UBE2V2: variants seen among roughly 807,000 people sequenced by gnomAD.
UBE2V2 encodes the protein ubiquitin conjugating enzyme E2 V2.
A neutral mutation model predicts 17.2 loss-of-function variants in UBE2V2; 9 were observed. That is an observed-to-expected ratio of 0.52 (90% CI 0.32 to 0.91). The LOEUF (loss-of-function observed/expected upper bound fraction) is 0.91, where lower values mean the gene tolerates loss of function less well. Among genes scored for constraint, UBE2V2 ranks in the 40% least tolerant of loss-of-function variants. The probability of loss-of-function intolerance (pLI) is 0.04; values close to 1 mark genes in which losing one functional copy is unlikely to be tolerated. For synonymous variants in UBE2V2, 61 were observed against 57.5 expected (o/e 1.06, Z -0.28); for missense variants, 133 against 182.6 (o/e 0.73, Z 1.56).
chr8:48,005,139 A>G (rs968927140), upstream of UBE2V2, among the ~76,000 whole-genome samples: 2 of 150,808 alleles, frequency 1.3e-5, no homozygotes, highest in Admixed American at 6.6e-5. Context: ...CATCTACATT[A>G]CGTATTTCTC....
At chr8:48,001,275 C>A in the UBE2V2 span, among the ~76,000 whole-genome samples, 1 of 152,098 alleles carries the variant, frequency 6.6e-6, no homozygotes, top group Non-Finnish European at 1.5e-5. Flanking sequence ...AAGGCTGTTA[C>A]CCACATTTTC....
intron 1 of UBE2V2, among the ~76,000 whole-genome samples, chr8:48,020,003 A>T (rs1229310048): frequency 6.6e-6 from 1 of 151,848 alleles, no homozygotes; most frequent in East Asian, 1.9e-4. Context: ...ATTTTATCTG[A>T]TATAAGTGAA....
intron 1 of UBE2V2, among the ~76,000 whole-genome samples, chr8:48,015,895 GTTTTTTTT>G (rs1168641766): frequency 1.5e-5 from 2 of 132,216 alleles, no homozygotes; most frequent in African/African-American, 5.7e-5. Context: ...TGTCTGTGTG[GTTTTTTTT>G]TTTTTTTTTT....
chr8:48,026,894 G>GC (rs1165902195), intron 1 of UBE2V2, among the ~76,000 whole-genome samples: 1 of 152,092 alleles, frequency 6.6e-6, no homozygotes, highest in African/African-American at 2.4e-5. Context: ...TTCCACCCCC[G>GC]CCCCGCTTGA....
upstream of UBE2V2, among the ~76,000 whole-genome samples, chr8:48,007,275 GA>G (rs2154506467): frequency 6.6e-6 from 1 of 152,262 alleles, no homozygotes; most frequent in East Asian, 1.9e-4. Flanking sequence ...TCAGGCAAGA[GA>G]AAGAAATAAA....
chr8:48,049,512 A>C (rs1243616350), intron 2 of UBE2V2: 1 of 188,330 alleles, frequency 5.3e-6, no homozygotes. Context: ...ATCTAAATTT[A>C]AGTGGTTTGC....
At chr8:48,038,878 A>G (rs1026172971) in intron 1 of UBE2V2, among the ~76,000 whole-genome samples, 4 of 151,224 alleles carry the variant, frequency 2.6e-5, no homozygotes, top group Non-Finnish European at 5.9e-5. Flanking sequence ...CAGTCTCCCA[A>G]AGTGTTGGGA....
At chr8:48,007,617 G>A (rs919916537), upstream of UBE2V2, among the ~76,000 whole-genome samples, 4 of 128,486 alleles carry the variant, frequency 3.1e-5, no homozygotes, top group African/African-American at 1.2e-4. Flanking sequence ...GTATCACTAT[G>A]TTGTCCAAGC....
At chr8:48,017,483 C>T (rs528878247) in intron 1 of UBE2V2, among the ~76,000 whole-genome samples, 2 of 151,870 alleles carry the variant, frequency 1.3e-5, no homozygotes, top group South Asian at 4.2e-4. Context: ...AAGGGATTCT[C>T]CTGCTTCAGC....
At chr8:48,018,836 G>A (rs1034853286) in intron 1 of UBE2V2, among the ~76,000 whole-genome samples, 4 of 151,942 alleles carry the variant, frequency 2.6e-5, no homozygotes, top group Admixed American at 2.0e-4. Flanking sequence ...TTTGATGTTG[G>A]GTGCATATAT....
At chr8:48,009,962 T>TGTGC (rs1294227728) in intron 1 of UBE2V2, among the ~76,000 whole-genome samples, 1 of 152,212 alleles carries the variant, frequency 6.6e-6, no homozygotes, top group Non-Finnish European at 1.5e-5. Context: ...TTATAACAGT[T>TGTGC]GTGCTTAGGA....
At chr8:48,048,078 C>G (rs1430847255) in intron 2 of UBE2V2, among the ~76,000 whole-genome samples, 1 of 145,214 alleles carries the variant, frequency 6.9e-6, no homozygotes, top group Admixed American at 7.1e-5. Flanking sequence ...ATGAGTTTGA[C>G]AAATGTAGCT....
At chr8:48,016,078 G>A (rs892510753) in intron 1 of UBE2V2, among the ~76,000 whole-genome samples, 7 of 151,872 alleles carry the variant, frequency 4.6e-5, no homozygotes, top group Non-Finnish European at 1.0e-4. Flanking sequence ...TTGTATTTTA[G>A]TAGAGATGGG....
At chr8:48,003,213 CAAAA>C in the UBE2V2 span, among the ~76,000 whole-genome samples, 3 of 58,572 alleles carry the variant, frequency 5.1e-5, no homozygotes, top group African/African-American at 1.3e-4. Context: ...CTGTCTCAAA[CAAAA>C]AAAAAAAAAA....
chr8:48,017,812 T>C (rs1020070562), intron 1 of UBE2V2, among the ~76,000 whole-genome samples: 3 of 152,088 alleles, frequency 2.0e-5, no homozygotes, highest in African/African-American at 7.2e-5. Context: ...GCCATTGACT[T>C]TTCTTCCTGT....
chr8:48,006,866 CTTTTTAT>C (rs1323392070), upstream of UBE2V2, among the ~76,000 whole-genome samples: 4 of 151,912 alleles, frequency 2.6e-5, no homozygotes, highest in East Asian at 3.9e-4. Flanking sequence ...ATGAAGGATT[CTTTTTAT>C]TTTTTATTTT....
chr8:48,046,549 C>T (rs1052175186), intron 2 of UBE2V2, among the ~76,000 whole-genome samples: 5 of 152,186 alleles, frequency 3.3e-5, no homozygotes, highest in South Asian at 4.2e-4. Flanking sequence ...CCGCCGTGCC[C>T]GGTTGAGAGG....
In UBE2V2 at chr8:48,060,536, G is replaced by A. The variant is rs116613013; in HGVS notation, c.292-146G>A. The A allele has an allele frequency of 1.1e-4, 64 of 564,202 alleles. No individual in the cohort carries two copies. In the African/African-American group the frequency reaches 1.2e-3, roughly 10 times the overall value. The allele number at this position is 564,202 out of a possible 1,614,324, so 34.9% of individuals were successfully genotyped here. A position where few individuals can be genotyped will look rare whatever the true frequency, so the allele number is the denominator to read the frequency against. ...ATTATGATAAAATATACTAATTATG[G>A]TATTAGTAATTCCATAGTGTATGTT... On this transcript the variant is annotated intron_variant, in intron 3 of 3. Transcript: ENST00000523111.
upstream of UBE2V2, among the ~76,000 whole-genome samples, chr8:48,008,082 C>A (rs1390417026): frequency 6.6e-6 from 1 of 152,038 alleles, no homozygotes. Flanking sequence ...CCACCACGTC[C>A]GGCTAATTTT....
Sources: allele counts gnomAD v4.1 joint callset (sites outside exome capture counted in the v4.1 genomes callset), GRCh38; gene constraint gnomAD v4.1.1; transcripts MANE v1.5; gene names NCBI Gene and HGNC (gene_info 2026-07-23, HGNC 2026-07-21).